The following RBFOX1 variants were observed in gnomAD, a reference collection of about 807,000 sequenced individuals.
The protein encoded by RBFOX1 is RNA binding fox-1 homolog 1.
A neutral mutation model predicts 57.7 loss-of-function variants in RBFOX1; 8 were observed. The observed-to-expected ratio is 0.14, with a 90% CI of 0.08 to 0.25. The LOEUF (loss-of-function observed/expected upper bound fraction) is 0.25, where lower values mean the gene tolerates loss of function less well. Among genes scored for constraint, RBFOX1 ranks in the 10% least tolerant of loss-of-function variants. The pLI, the probability that RBFOX1 is intolerant of heterozygous loss-of-function variation, is 1.00. For missense variants in RBFOX1, 611 were observed against 548.5 expected (o/e 1.11, Z -1.14); for synonymous variants, 326 against 222.4 (o/e 1.47, Z -4.15).
At chr16:7,012,991 C>A (rs1325070836) in intron 3 of RBFOX1, among the ~76,000 whole-genome samples, 2 of 152,222 alleles carry the variant, frequency 1.3e-5, no homozygotes, top group East Asian at 3.9e-4. Flanking sequence ...GTGGCGTTTC[C>A]TCAGTGTGTA....
chr16:6,596,801 T>C (rs1807217572), intron 2 of RBFOX1, among the ~76,000 whole-genome samples: 1 of 152,182 alleles, frequency 6.6e-6, no homozygotes, highest in Admixed American at 6.5e-5. Context: ...TACACAAATG[T>C]ACCCTGGTGG....
At chr16:5,787,213 T>C (rs79765504) in intron 3 of RBFOX1, among the ~76,000 whole-genome samples, 4,863 of 152,188 alleles carry the variant, frequency 0.032, 248 homozygotes, top group African/African-American at 0.11. Context: ...ACAGGGCCCT[T>C]TCACTGGGAG....
chr16:7,697,823 G>A (rs1208142030), intron 14 of RBFOX1, among the ~76,000 whole-genome samples: 1 of 152,106 alleles, frequency 6.6e-6, no homozygotes, highest in African/African-American at 2.4e-5. Flanking sequence ...CTAGTATTTT[G>A]AGTCGGATGA....
intron 2 of RBFOX1, among the ~76,000 whole-genome samples, chr16:6,552,699 A>T (rs927106600): frequency 2.6e-5 from 4 of 152,174 alleles, no homozygotes; most frequent in African/African-American, 9.7e-5. Context: ...AGAAATGGGT[A>T]ATTATGTGAT....
chr16:7,710,454 G>T (rs1192681045), intron 15 of RBFOX1, 169 bp from the exon 16 acceptor site: 3 of 1,457,628 alleles, frequency 2.1e-6, no homozygotes, highest in Admixed American at 5.8e-5. Flanking sequence ...ATTGGGGAAG[G>T]TCAGGAATGG....
chr16:5,577,527 C>G (rs2046505159), intron 2 of RBFOX1, among the ~76,000 whole-genome samples: 1 of 152,200 alleles, frequency 6.6e-6, no homozygotes. Flanking sequence ...AATGAATAAT[C>G]TATGTAGTCC....
chr16:7,519,761 G>T (rs1233175012), intron 5 of RBFOX1: 1 of 969,390 alleles, frequency 1.0e-6, no homozygotes. Flanking sequence ...AGGAAAGCAA[G>T]TATTTGTGAA....
chr16:7,695,134 C>A (rs999781110), intron 14 of RBFOX1, among the ~76,000 whole-genome samples: 1 of 152,220 alleles, frequency 6.6e-6, no homozygotes, highest in East Asian at 1.9e-4. Context: ...CTATTGATCA[C>A]ATTTCAGATT....
chr16:6,027,666 A>T (rs1267321719), intron 1 of RBFOX1, among the ~76,000 whole-genome samples: 1 of 152,222 alleles, frequency 6.6e-6, no homozygotes, highest in Admixed American at 6.5e-5. Context: ...GCTGACTATG[A>T]TAATCATGAC....
At chr16:6,435,043 A>G (rs1320187676) in intron 2 of RBFOX1, among the ~76,000 whole-genome samples, 2 of 152,206 alleles carry the variant, frequency 1.3e-5, no homozygotes, top group Non-Finnish European at 2.9e-5. Context: ...GCTCCAGCCC[A>G]CATTCCTCAT....
chr16:5,465,876 C>T (rs1377555377), intron 1 of RBFOX1, among the ~76,000 whole-genome samples: 1 of 152,162 alleles, frequency 6.6e-6, no homozygotes, highest in Non-Finnish European at 1.5e-5. Flanking sequence ...ATATGTTGTG[C>T]CTGAGACCTT....
At chr16:7,173,457 C>T (rs1028632836) in intron 4 of RBFOX1, among the ~76,000 whole-genome samples, 4 of 152,170 alleles carry the variant, frequency 2.6e-5, no homozygotes, top group African/African-American at 4.8e-5. Context: ...GCACTGGTTT[C>T]GAATGTTTTG....
At chr16:6,208,198 CTA>C (rs770042849) in intron 1 of RBFOX1, among the ~76,000 whole-genome samples, 6 of 151,626 alleles carry the variant, frequency 4.0e-5, no homozygotes, top group Non-Finnish European at 8.8e-5. Flanking sequence ...TTTTGTAAAA[CTA>C]TAAGTTTAAA....
chr16:5,911,542 G>T (rs573538063), intron 4 of RBFOX1, among the ~76,000 whole-genome samples: 1 of 152,172 alleles, frequency 6.6e-6, no homozygotes, highest in African/African-American at 2.4e-5. Context: ...AGTCTTCAAC[G>T]CCTTGTTCGT....
Position 5,748,758 on chromosome 16 carries a change from G to A in RBFOX1, c.319-118545G>A, listed in dbSNP as rs547536149. On this transcript the variant is annotated intron_variant, in intron 3 of 19. Transcript: ENST00000641259. Reference sequence around the variant, plus strand: ...CTCCATCCCTTTATTTTGAGCCTATGTGTGTCTCTGCACATGAGATGGGTT... The same window carrying A: ...CTCCATCCCTTTATTTTGAGCCTATATGTGTCTCTGCACATGAGATGGGTT... Among the ~76,000 whole-genome samples the A allele has an allele frequency of 2.0e-4, 30 of 152,208 alleles. No individual in the cohort carries two copies. The South Asian group carries it at 5.8e-3, about 29-fold the overall frequency.
intron 4 of RBFOX1, among the ~76,000 whole-genome samples, chr16:7,166,486 T>C (rs1369983805): frequency 6.6e-6 from 1 of 151,710 alleles, no homozygotes. Context: ...ACAGGGTGGG[T>C]AGGAAGATCA....
At chr16:6,882,272 A>G (rs2063103542) in intron 3 of RBFOX1, among the ~76,000 whole-genome samples, 2 of 152,144 alleles carry the variant, frequency 1.3e-5, no homozygotes, top group South Asian at 2.1e-4. Flanking sequence ...GAGAGAACAG[A>G]GGATGATGGG....
chr16:7,662,081 A>T (rs1387182071), intron 12 of RBFOX1, among the ~76,000 whole-genome samples: 1 of 151,946 alleles, frequency 6.6e-6, no homozygotes, highest in Non-Finnish European at 1.5e-5. Context: ...ATATCAAAGA[A>T]CCCCAACTCT....
intron 3 of RBFOX1, among the ~76,000 whole-genome samples, chr16:5,720,521 G>A (rs918000906): frequency 6.6e-6 from 1 of 152,234 alleles, no homozygotes; most frequent in Admixed American, 6.5e-5. Context: ...CTAAGCCAAG[G>A]TTGTAAAGCT....
Sources: gnomAD v4.1 joint callset for allele counts (sites outside exome capture counted in the v4.1 genomes callset) on GRCh38, gnomAD v4.1.1 for gene constraint, MANE v1.5 for transcripts, NCBI Gene and HGNC (gene_info 2026-07-23, HGNC 2026-07-21) for gene names.